The following DCC variants were observed in gnomAD, a reference collection of about 807,000 sequenced individuals.
The protein encoded by DCC is DCC netrin 1 receptor, also known as netrin receptor DCC.
In DCC, 58 loss-of-function variants were observed where a neutral mutation model predicts 172.5. The ratio of observed to expected loss-of-function variants is 0.34; its 90% CI spans 0.27 to 0.42. DCC has a LOEUF of 0.42. Ranked by LOEUF, DCC falls within the 10% of genes least tolerant of loss-of-function variation. The probability of loss-of-function intolerance (pLI) is 1.00; values close to 1 mark genes in which losing one functional copy is unlikely to be tolerated. For missense variants in DCC, 1,740 were observed against 1,791.0 expected (o/e 0.97, Z 0.51); for synonymous variants, 709 against 644.5 (o/e 1.10, Z -1.52).
At chr18:53,056,115 T>C (rs1265181650) in intron 5 of DCC, among the ~76,000 whole-genome samples, 1 of 152,102 alleles carries the variant, frequency 6.6e-6, no homozygotes, top group African/African-American at 2.4e-5. Flanking sequence ...CTGAGTAACT[T>C]ATAAAGAAAA....
chr18:52,458,814 C>T (rs1162524755), intron 1 of DCC, among the ~76,000 whole-genome samples: 3 of 152,136 alleles, frequency 2.0e-5, no homozygotes, highest in East Asian at 3.8e-4. Flanking sequence ...AACAAAAAAA[C>T]TCCTTTAGAG....
At chr18:53,439,035 T>G (rs1775704821) in intron 22 of DCC, among the ~76,000 whole-genome samples, 1 of 152,256 alleles carries the variant, frequency 6.6e-6, no homozygotes, top group Non-Finnish European at 1.5e-5. Context: ...TCTGAAATAT[T>G]TCTAGATTCC....
intron 1 of DCC, among the ~76,000 whole-genome samples, chr18:52,555,816 G>C (rs1363999018): frequency 6.6e-6 from 1 of 152,084 alleles, no homozygotes; most frequent in Non-Finnish European, 1.5e-5. Context: ...CTTAAAGGAT[G>C]TTTTATAGAC....
At chr18:53,268,460 C>A (rs1270733594) in intron 12 of DCC, among the ~76,000 whole-genome samples, 1 of 152,026 alleles carries the variant, frequency 6.6e-6, no homozygotes, top group Admixed American at 6.6e-5. Flanking sequence ...AATATTTTTT[C>A]TTCCTTTCAC....
intron 12 of DCC, among the ~76,000 whole-genome samples, chr18:53,303,063 T>G (rs949204570): frequency 6.6e-6 from 1 of 152,206 alleles, no homozygotes; most frequent in South Asian, 2.1e-4. Flanking sequence ...TTTGCTAATT[T>G]TCTACCTTTT....
intron 2 of DCC, among the ~76,000 whole-genome samples, chr18:52,843,262 C>T (rs1319968093): frequency 6.6e-6 from 1 of 152,094 alleles, no homozygotes; most frequent in Non-Finnish European, 1.5e-5. Flanking sequence ...CTAAAGAATT[C>T]AAGGATGATT....
At chr18:53,110,092 A>T (rs1044067930) in intron 7 of DCC, among the ~76,000 whole-genome samples, 10 of 151,672 alleles carry the variant, frequency 6.6e-5, no homozygotes, top group African/African-American at 1.9e-4. Context: ...AGCTTGAAGA[A>T]TGTCTAACTC....
At chr18:53,197,421 T>G (rs1420080323) in intron 9 of DCC, among the ~76,000 whole-genome samples, 4 of 142,460 alleles carry the variant, frequency 2.8e-5, no homozygotes, top group African/African-American at 7.9e-5. Flanking sequence ...TTATTTTAGT[T>G]TTTTTTTTTT....
In DCC at chr18:53,499,312, C is replaced by T. The variant is rs772146313; in HGVS notation, c.3913C>T (p.Pro1305Ser). ...AGRSQSVSEG[P>S]TTQQPPMLPP... is the part of the protein sequence containing the mutation. ...CTCCACTGCAGCAGTGAGTGAAGGACCAACTACCCAACAACCACCTATGCT... is the reference window on the plus strand; with the variant it reads ...CTCCACTGCAGCAGTGAGTGAAGGATCAACTACCCAACAACCACCTATGCT... The change falls in exon 27 of 29, where the codon CCA becomes TCA. Residue 1305 changes from proline (P) to serine (S), a missense_variant. By Grantham distance (74) the Pro-to-Ser change is moderately conservative. Transcript: ENST00000442544. 6.2e-7 allele frequency: 1 copy of T among 1,613,978 alleles called. No individual in the cohort carries two copies. Among genetic ancestry groups the T allele is most frequent in the South Asian group, 1.1e-5 (1 of 91,076 alleles).
chr18:53,479,984 G>GTGA (rs1266904034), intron 25 of DCC, among the ~76,000 whole-genome samples: 1 of 152,154 alleles, frequency 6.6e-6, no homozygotes, highest in Non-Finnish European at 1.5e-5. Context: ...AAAGAATACT[G>GTGA]TGATACCTTA....
chr18:52,640,236 A>G (rs190642106), intron 1 of DCC, among the ~76,000 whole-genome samples: 3 of 152,296 alleles, frequency 2.0e-5, no homozygotes, highest in Non-Finnish European at 2.9e-5. Context: ...ATCAATGACA[A>G]ACTCCCAGCC....
intron 1 of DCC, among the ~76,000 whole-genome samples, chr18:52,559,978 A>T (rs2032999730): frequency 6.6e-6 from 1 of 152,220 alleles, no homozygotes; most frequent in Non-Finnish European, 1.5e-5. Flanking sequence ...TACAGAAATG[A>T]CTTAAAGATT....
chr18:52,599,940 T>C (rs1289274868), intron 1 of DCC, among the ~76,000 whole-genome samples: 2 of 152,342 alleles, frequency 1.3e-5, no homozygotes, highest in Non-Finnish European at 2.9e-5. Context: ...TTTTTTCCTG[T>C]TGTCTCTGGG....
chr18:52,783,340 T>G (rs1178108099), intron 2 of DCC, among the ~76,000 whole-genome samples: 2 of 99,672 alleles, frequency 2.0e-5, no homozygotes, highest in African/African-American at 6.5e-5. Flanking sequence ...TTTTTTTTTT[T>G]TTTTTTTTTT....
intron 12 of DCC, among the ~76,000 whole-genome samples, chr18:53,273,911 T>C (rs1268832007): frequency 2.0e-5 from 3 of 152,062 alleles, no homozygotes; most frequent in Non-Finnish European, 2.9e-5. Context: ...TAGAAGCAGC[T>C]CATGTTCCCT....
intron 15 of DCC, among the ~76,000 whole-genome samples, chr18:53,369,080 G>T (rs778113350): frequency 6.6e-6 from 1 of 151,852 alleles, no homozygotes; most frequent in African/African-American, 2.4e-5. Flanking sequence ...CACGGGCTGC[G>T]TTTCTATATA....
At chr18:52,587,337 C>T (rs932738527) in intron 1 of DCC, among the ~76,000 whole-genome samples, 5 of 152,126 alleles carry the variant, frequency 3.3e-5, no homozygotes, top group East Asian at 1.9e-4. Flanking sequence ...ACCCATTGGG[C>T]GATGACAAGG....
At chr18:53,204,533 C>A (rs35749078) in intron 9 of DCC, among the ~76,000 whole-genome samples, 3,817 of 144,536 alleles carry the variant, frequency 0.026, 74 homozygotes, top group East Asian at 0.12. Flanking sequence ...AGAAACAGAG[C>A]AAGACTCTGT....
At chr18:53,142,218 C>T (rs889314698) in intron 7 of DCC, among the ~76,000 whole-genome samples, 2 of 152,210 alleles carry the variant, frequency 1.3e-5, no homozygotes, top group African/African-American at 2.4e-5. Flanking sequence ...GATACAAAAG[C>T]GTCAGCATGA....
Sources: gnomAD v4.1 joint callset for allele counts (sites outside exome capture counted in the v4.1 genomes callset) on GRCh38, gnomAD v4.1.1 for gene constraint, MANE v1.5 for transcripts, NCBI Gene and HGNC (gene_info 2026-07-23, HGNC 2026-07-21) for gene names.